The following L3MBTL4 variants were observed in gnomAD, a reference collection of about 807,000 sequenced individuals.
L3MBTL4 encodes lethal(3)malignant brain tumor-like protein 4.
Under a neutral mutation model 84.5 loss-of-function variants are expected in L3MBTL4, and 70 were observed. The observed-to-expected ratio is 0.83, with a 90% CI of 0.68 to 1.01. L3MBTL4 has a LOEUF of 1.01. Ranked by LOEUF, L3MBTL4 falls within the 50% of genes least tolerant of loss-of-function variation. The pLI, the probability that L3MBTL4 is intolerant of heterozygous loss-of-function variation, is 0.00. For missense variants in L3MBTL4, 715 were observed against 754.8 expected (o/e 0.95, Z 0.62); for synonymous variants, 274 against 259.8 (o/e 1.05, Z -0.52).
intron 10 of L3MBTL4, among the ~76,000 whole-genome samples, chr18:6,237,445 CTTTTTTTTTTTT>C (rs1173599586): frequency 2.3e-5 from 2 of 88,886 alleles, no homozygotes; most frequent in African/African-American, 4.7e-5. Context: ...CCTAGTACAT[CTTTTTTTTTTTT>C]TTTTTTTTTT....
chr18:6,224,962 A>G (rs2046716254), intron 10 of L3MBTL4, among the ~76,000 whole-genome samples: 1 of 152,166 alleles, frequency 6.6e-6, no homozygotes, highest in Non-Finnish European at 1.5e-5. Context: ...TAAAGTGAGG[A>G]AGATTTAAAC....
intron 8 of L3MBTL4, among the ~76,000 whole-genome samples, 180 bp downstream of exon 8, chr18:6,241,178 T>C (rs551051848): frequency 6.6e-6 from 1 of 152,274 alleles, no homozygotes; most frequent in Non-Finnish European, 1.5e-5. Context: ...AATTATACTT[T>C]TAAAGGAAGA....
chr18:6,014,108 AAATC>A (rs1258495752), intron 16 of L3MBTL4, among the ~76,000 whole-genome samples: 1 of 152,176 alleles, frequency 6.6e-6, no homozygotes, highest in Non-Finnish European at 1.5e-5. Context: ...TGGTAAATGA[AAATC>A]AATTCTTTCT....
chr18:6,070,385 C>T (rs1305459354), intron 16 of L3MBTL4, among the ~76,000 whole-genome samples: 1 of 151,766 alleles, frequency 6.6e-6, no homozygotes, highest in Non-Finnish European at 1.5e-5. Context: ...AAGTCAGAAG[C>T]CAACGGATTA....
chr18:5,979,529 T>A (rs762187019), intron 16 of L3MBTL4, among the ~76,000 whole-genome samples: 1 of 152,166 alleles, frequency 6.6e-6, no homozygotes, highest in Non-Finnish European at 1.5e-5. Flanking sequence ...CTCTGACAGA[T>A]AACACAGCAG....
chr18:6,136,362 G>T (rs143027824), intron 14 of L3MBTL4, among the ~76,000 whole-genome samples: 154 of 152,252 alleles, frequency 1.0e-3, no homozygotes, highest in African/African-American at 3.3e-3. Context: ...GCCAATTCAC[G>T]CTGACTTCCT....
At chr18:6,213,588 T>C (rs1034494772) in intron 11 of L3MBTL4, among the ~76,000 whole-genome samples, 8 of 152,128 alleles carry the variant, frequency 5.3e-5, no homozygotes, top group Non-Finnish European at 7.4e-5. Flanking sequence ...AATTTTGTGT[T>C]ATAAGTAGAG....
intron 5 of L3MBTL4, among the ~76,000 whole-genome samples, chr18:6,256,437 G>A (rs1266249371): frequency 6.6e-6 from 1 of 151,838 alleles, no homozygotes; most frequent in Non-Finnish European, 1.5e-5. Flanking sequence ...AGGTGCCTCT[G>A]TTCCTCCAAC....
chr18:6,018,020 G>A (rs1042851800), intron 16 of L3MBTL4, among the ~76,000 whole-genome samples: 1 of 152,140 alleles, frequency 6.6e-6, no homozygotes, highest in Non-Finnish European at 1.5e-5. Context: ...AGGGAGAGCT[G>A]GAAACAGAAC....
At position 6,239,138 on chromosome 18, in the gene L3MBTL4, G is replaced by A. The variant is rs369625240; in HGVS notation, c.707+580C>T. ...GGGCGGATCACGAGGTCAGGAGATCGAGACCATCCCGGCTAAAACGGTGAA... is the reference window on the plus strand; with the variant it reads ...GGGCGGATCACGAGGTCAGGAGATCAAGACCATCCCGGCTAAAACGGTGAA... On this transcript the variant is annotated intron_variant, in intron 9 of 18. Transcript: ENST00000317931. Among the ~76,000 whole-genome samples the A allele has an allele frequency of 7.1e-4, 108 of 151,880 alleles. 2 individuals carry two copies. In the South Asian group the frequency reaches 0.021, roughly 30 times the overall value.
At chr18:5,963,887 G>A (rs892392830) in intron 17 of L3MBTL4, among the ~76,000 whole-genome samples, 2 of 152,200 alleles carry the variant, frequency 1.3e-5, no homozygotes, top group East Asian at 1.9e-4. Context: ...GTCCAGAGGG[G>A]CATGACCTCT....
At chr18:6,150,804 C>T (rs1408889552) in intron 13 of L3MBTL4, among the ~76,000 whole-genome samples, 3 of 152,166 alleles carry the variant, frequency 2.0e-5, no homozygotes, top group Non-Finnish European at 4.4e-5. Context: ...AACCAGACTT[C>T]CTACCTTCTG....
chr18:6,219,026 C>T (rs964704015), intron 10 of L3MBTL4, among the ~76,000 whole-genome samples: 2 of 152,184 alleles, frequency 1.3e-5, no homozygotes, highest in African/African-American at 4.8e-5. Context: ...CTCTAACTGG[C>T]TTCCATTTAT....
intron 5 of L3MBTL4, among the ~76,000 whole-genome samples, chr18:6,249,263 C>G (rs2047820789): frequency 6.6e-6 from 1 of 152,106 alleles, no homozygotes; most frequent in African/African-American, 2.4e-5. Flanking sequence ...GTTACTAATG[C>G]TGAGAGGAAA....
intron 5 of L3MBTL4, among the ~76,000 whole-genome samples, chr18:6,245,315 T>G (rs888167122): frequency 2.0e-5 from 3 of 152,184 alleles, no homozygotes; most frequent in African/African-American, 7.2e-5. Context: ...GTTAATATGC[T>G]TTGAAATAGT....
intron 4 of L3MBTL4, among the ~76,000 whole-genome samples, chr18:6,286,059 T>C (rs1054393922): frequency 2.0e-5 from 3 of 151,656 alleles, no homozygotes; most frequent in African/African-American, 7.2e-5. Flanking sequence ...CTCAATTTCT[T>C]GACCTCGTGA....
intron 14 of L3MBTL4, among the ~76,000 whole-genome samples, chr18:6,135,976 A>C (rs77969399): frequency 1.3e-5 from 2 of 152,202 alleles, no homozygotes; most frequent in Non-Finnish European, 2.9e-5. Context: ...ACAGTTCCAC[A>C]TGGCTGGGGA....
intron 14 of L3MBTL4, among the ~76,000 whole-genome samples, chr18:6,108,014 G>A (rs1236048180): frequency 6.6e-6 from 1 of 152,142 alleles, no homozygotes; most frequent in African/African-American, 2.4e-5. Context: ...GGAAGGAGCT[G>A]GTCTGAAGAG....
intron 10 of L3MBTL4, among the ~76,000 whole-genome samples, chr18:6,234,342 T>C (rs2047126172): frequency 1.3e-5 from 2 of 152,162 alleles, no homozygotes; most frequent in Admixed American, 6.5e-5. Context: ...AAAGAGCTTC[T>C]GCACAGCAAA....
Sources: gnomAD v4.1 joint callset for allele counts (sites outside exome capture counted in the v4.1 genomes callset) on GRCh38, gnomAD v4.1.1 for gene constraint, MANE v1.5 for transcripts, NCBI Gene and HGNC (gene_info 2026-07-23, HGNC 2026-07-21) for gene names.